Variants in SLC26A5 observed in about 807,000 individuals in gnomAD.
SLC26A5 encodes solute carrier family 26 member 5, also known as prestin.
In SLC26A5, 51 loss-of-function variants were observed where a neutral mutation model predicts 81.0. That is an observed-to-expected ratio of 0.63 (90% CI 0.50 to 0.80). The LOEUF (loss-of-function observed/expected upper bound fraction) is 0.80, where lower values mean the gene tolerates loss of function less well. SLC26A5 is among the 30% of genes least tolerant of loss of function. SLC26A5 has a pLI of 0.00. For synonymous variants in SLC26A5, 325 were observed against 332.8 expected (o/e 0.98, Z 0.25); for missense variants, 771 against 905.8 (o/e 0.85, Z 1.91).
At chr7:103,419,970 A>G (rs1256816990) in intron 4 of SLC26A5, among the ~76,000 whole-genome samples, 1 of 152,202 alleles carries the variant, frequency 6.6e-6, no homozygotes, top group Non-Finnish European at 1.5e-5. Context: ...AGTGAGCTCC[A>G]TGAGGACAGT....
At chr7:103,432,920 G>GCTT (rs1248265047) in intron 2 of SLC26A5, among the ~76,000 whole-genome samples, 2 of 152,014 alleles carry the variant, frequency 1.3e-5, no homozygotes, top group Non-Finnish European at 2.9e-5. Context: ...ATGGTTTGAG[G>GCTT]CTTCTGAACC....
rs1408810599 is a variant in SLC26A5, at chr7:103,420,879, T to C, written c.153-2A>G. On this transcript the variant is annotated splice_acceptor_variant, in intron 3 of 19. Coordinates refer to ENST00000306312, the MANE Select transcript of SLC26A5 (RefSeq NM_198999.3). LOFTEE classifies it high-confidence loss of function. ...TTTCTTATTTTTTTAGGAGTACATC[T>C]GAAAGGACAAAGACAGACAGAGATA... The C allele has an allele frequency of 3.1e-6, 5 of 1,606,428 alleles. No individual in the cohort carries two copies. The highest frequency in any genetic ancestry group is 4.3e-6 in the Non-Finnish European group (5 of 1,173,320).
chr7:103,434,224 G>T (rs752203546), intron 2 of SLC26A5, among the ~76,000 whole-genome samples: 2 of 152,082 alleles, frequency 1.3e-5, no homozygotes, highest in African/African-American at 2.4e-5. Flanking sequence ...TCACCCTCAC[G>T]CTTGATAAGT....
chr7:103,354,239 T>C (rs540886849), intron 19 of SLC26A5, among the ~76,000 whole-genome samples: 1 of 152,320 alleles, frequency 6.6e-6, no homozygotes, highest in Non-Finnish European at 1.5e-5. Flanking sequence ...TAAAATGTGA[T>C]GCTATATTGA....
At chr7:103,428,269 C>T (rs1586374482) in intron 2 of SLC26A5, among the ~76,000 whole-genome samples, 1 of 152,032 alleles carries the variant, frequency 6.6e-6, no homozygotes, top group East Asian at 1.9e-4. Flanking sequence ...AAAGGAGAAA[C>T]GCAATACTAA....
chr7:103,361,700 C>G (rs552751275), intron 19 of SLC26A5, among the ~76,000 whole-genome samples: 2 of 152,032 alleles, frequency 1.3e-5, no homozygotes, highest in African/African-American at 2.4e-5. Flanking sequence ...CTATGGAAAT[C>G]AAGAAATCAG....
Position 103,445,506 on chromosome 7 carries a change from G to A in SLC26A5, c.-183+592C>T, listed in dbSNP as rs561334664. ...GAGGGGGCCAATACCAAATTTTAGG[G>A]CTGTTAGGCTCTGAGCAGTCCCTTC... On this transcript the variant is annotated intron_variant, in intron 1 of 19. Transcript: ENST00000306312. 4 of 152,386 alleles carry A rather than the reference G, an allele frequency of 2.6e-5. No individual in the cohort carries two copies. In the East Asian group the frequency reaches 7.7e-4, roughly 29 times the overall value. The allele number at this position is 152,386 out of a possible 1,614,324, so 9.4% of individuals were successfully genotyped here. A position where few individuals can be genotyped will look rare whatever the true frequency, so the allele number is the denominator to read the frequency against.
intron 17 of SLC26A5, among the ~76,000 whole-genome samples, chr7:103,378,090 T>C (rs1436729180): frequency 1.3e-5 from 2 of 152,180 alleles, no homozygotes; most frequent in South Asian, 4.1e-4. Flanking sequence ...AAGTCTAAAA[T>C]AGTTCCATTA....
intron 4 of SLC26A5, among the ~76,000 whole-genome samples, chr7:103,415,515 A>C (rs556343052): frequency 1.8e-3 from 279 of 152,290 alleles, no homozygotes; most frequent in African/African-American, 6.3e-3. Flanking sequence ...TATTACTGGC[A>C]TCTAGTGGGT....
intron 19 of SLC26A5, among the ~76,000 whole-genome samples, chr7:103,357,963 G>A (rs750642437): frequency 6.6e-6 from 1 of 152,022 alleles, no homozygotes; most frequent in Non-Finnish European, 1.5e-5. Flanking sequence ...CTTTGGTTTG[G>A]ACCAGTTGTC....
chr7:103,399,979 A>G (rs1403626180), intron 8 of SLC26A5, among the ~76,000 whole-genome samples: 1 of 152,076 alleles, frequency 6.6e-6, no homozygotes, highest in Non-Finnish European at 1.5e-5. Context: ...ATTGATGGGC[A>G]TTTGGGTTGG....
At chr7:103,402,592 G>A (rs1041256867) in intron 8 of SLC26A5, among the ~76,000 whole-genome samples, 1 of 151,728 alleles carries the variant, frequency 6.6e-6, no homozygotes, top group Non-Finnish European at 1.5e-5. Context: ...ATAGAGAGGG[G>A]ATTTCACCAT....
At chr7:103,435,607 T>G (rs186307745) in intron 2 of SLC26A5, among the ~76,000 whole-genome samples, 3 of 152,324 alleles carry the variant, frequency 2.0e-5, no homozygotes, top group Admixed American at 2.0e-4. Context: ...AGAAAAGATT[T>G]ACTCTATGGT....
At chr7:103,436,101 T>A (rs1390525130) in intron 2 of SLC26A5, among the ~76,000 whole-genome samples, 1 of 152,178 alleles carries the variant, frequency 6.6e-6, no homozygotes, top group Non-Finnish European at 1.5e-5. Flanking sequence ...TAATTTTATT[T>A]TTTTTGCTTA....
intron 14 of SLC26A5, among the ~76,000 whole-genome samples, chr7:103,382,779 T>C (rs1182285344): frequency 1.3e-5 from 2 of 149,602 alleles, no homozygotes; most frequent in African/African-American, 5.1e-5. Context: ...ATTAATAATA[T>C]TATAATAATA....
chr7:103,387,374 T>A (rs1235661164), intron 14 of SLC26A5, among the ~76,000 whole-genome samples: 4 of 152,154 alleles, frequency 2.6e-5, no homozygotes, highest in Admixed American at 2.0e-4. Context: ...TTTCAACACA[T>A]CACAGTCACA....
chr7:103,410,820 G>A (rs922703760), intron 6 of SLC26A5, among the ~76,000 whole-genome samples: 1 of 152,046 alleles, frequency 6.6e-6, no homozygotes, highest in East Asian at 1.9e-4. Flanking sequence ...TAGTAGACAC[G>A]GGGTTTCACT....
chr7:103,379,146 G>T, intron 16 of SLC26A5, 97 bp downstream of exon 16: 1 of 837,194 alleles, frequency 1.2e-6, no homozygotes, highest in Non-Finnish European at 2.1e-6. Context: ...AACAAAGCGA[G>T]AATGAAATAG....
chr7:103,377,276 G>A (rs1821421309), intron 18 of SLC26A5, among the ~76,000 whole-genome samples: 2 of 152,144 alleles, frequency 1.3e-5, no homozygotes, highest in Admixed American at 6.5e-5. Context: ...TTTCTAAAAC[G>A]AATCTTCTTG....
Sources: allele counts gnomAD v4.1 joint callset (sites outside exome capture counted in the v4.1 genomes callset), GRCh38; gene constraint gnomAD v4.1.1; transcripts MANE v1.5; gene names NCBI Gene and HGNC (gene_info 2026-07-23, HGNC 2026-07-21).